ARID4B: variants seen among roughly 807,000 people sequenced by gnomAD.
ARID4B encodes AT-rich interactive domain-containing protein 4B.
ARID4B carries 26 observed loss-of-function variants against 147.5 expected under a neutral mutation model. That is an observed-to-expected ratio of 0.18 (90% CI 0.13 to 0.24). The LOEUF (loss-of-function observed/expected upper bound fraction) is 0.24, where lower values mean the gene tolerates loss of function less well. Ranked by LOEUF, ARID4B falls within the 10% of genes least tolerant of loss-of-function variation. The probability of loss-of-function intolerance (pLI) is 1.00; values close to 1 mark genes in which losing one functional copy is unlikely to be tolerated. For missense variants in ARID4B, 1,179 were observed against 1,511.5 expected, an observed-to-expected ratio of 0.78 and a Z score of 3.65; for synonymous variants, 512 against 507.9, an observed-to-expected ratio of 1.01 and a Z score of -0.11.
At chr1:235,232,033 T>A (rs1413043359) in intron 9 of ARID4B, among the ~76,000 whole-genome samples, 3 of 152,006 alleles carry the variant, frequency 2.0e-5, no homozygotes, top group African/African-American at 7.3e-5. Context: ...GGCAGGGAGC[T>A]GACTGGAAAA....
intron 3 of ARID4B, among the ~76,000 whole-genome samples, chr1:235,258,381 C>T (rs535987664): frequency 6.6e-6 from 1 of 152,142 alleles, no homozygotes; most frequent in South Asian, 2.1e-4. Context: ...GTACCTGGTC[C>T]AAGTTTACAG....
chr1:235,310,345 TTTA>T (rs1295182452), intron 2 of ARID4B, among the ~76,000 whole-genome samples: 1 of 152,192 alleles, frequency 6.6e-6, no homozygotes. Context: ...TGGCAACAAC[TTTA>T]TTATTTATTT....
At chr1:235,303,715 C>T (rs79475770) in intron 2 of ARID4B, among the ~76,000 whole-genome samples, 5 of 151,916 alleles carry the variant, frequency 3.3e-5, no homozygotes, top group Non-Finnish European at 5.9e-5. Context: ...CAGAACACAG[C>T]GAGACCCTGT....
intron 5 of ARID4B, among the ~76,000 whole-genome samples, chr1:235,254,837 A>AT (rs1669852018): frequency 2.0e-5 from 3 of 152,038 alleles, no homozygotes; most frequent in African/African-American, 7.2e-5. Context: ...AAGATGTTCA[A>AT]TCTCACTAGT....
chr1:235,231,226 A>AAAAAC, intron 9 of ARID4B, 37 bp from the exon 10 acceptor site: 1 of 1,037,208 alleles, frequency 9.6e-7, no homozygotes, highest in South Asian at 1.6e-5. Context: ...AAGAAAAAAA[A>AAAAAC]CCCAAAATAT....
chr1:235,181,495 C>T, intron 20 of ARID4B, 90 bp downstream of exon 20: 1 of 1,466,304 alleles, frequency 6.8e-7, no homozygotes, highest in Non-Finnish European at 9.1e-7. Flanking sequence ...ACTTAATCGC[C>T]TCAGGTTATA....
intron 7 of ARID4B, among the ~76,000 whole-genome samples, chr1:235,242,537 C>A (rs1252521405): frequency 6.6e-6 from 1 of 152,308 alleles, no homozygotes; most frequent in Admixed American, 6.5e-5. Flanking sequence ...ACAGAAGACT[C>A]ATTCAGCTAG....
chr1:235,223,015 G>A lies in ARID4B; in HGVS notation c.1065+151C>T, dbSNP rs910770129. The A allele has an allele frequency of 5.4e-6, 3 of 554,406 alleles. No homozygotes were observed. In the African/African-American group the frequency reaches 6.2e-5, roughly 11 times the overall value. The allele number at this position is 554,406 out of a possible 1,614,324, so 34.3% of individuals were successfully genotyped here. ...TCTTTAAAATTTAAATTTTGTCTGAGGAGGCTAGCTGTACTTTCCACTTTA... is the reference window on the plus strand; with the variant it reads ...TCTTTAAAATTTAAATTTTGTCTGAAGAGGCTAGCTGTACTTTCCACTTTA... On this transcript the variant is annotated intron_variant, in intron 13 of 23. Coordinates refer to ENST00000264183, the MANE Select transcript of ARID4B (RefSeq NM_016374.6).
chr1:235,255,219 C>CCATA (rs1669875943), intron 5 of ARID4B, among the ~76,000 whole-genome samples: 1 of 127,568 alleles, frequency 7.8e-6, no homozygotes, highest in African/African-American at 3.1e-5. Flanking sequence ...CTGCTGGGAG[C>CCATA]TAGATAGATA....
At chr1:235,216,326 C>A (rs1325250490) in intron 16 of ARID4B, among the ~76,000 whole-genome samples, 2 of 148,524 alleles carry the variant, frequency 1.3e-5, no homozygotes, top group Non-Finnish European at 3.0e-5. Flanking sequence ...CACACACACA[C>A]ACACACATAT....
At chr1:235,236,637 C>G (rs546801880) in intron 8 of ARID4B, among the ~76,000 whole-genome samples, 1 of 150,214 alleles carries the variant, frequency 6.7e-6, no homozygotes, top group Non-Finnish European at 1.5e-5. Context: ...CCTCAGCCTC[C>G]CAAGTAGCTG....
chr1:235,274,219 CA>C (rs997137007), intron 2 of ARID4B, among the ~76,000 whole-genome samples: 151 of 142,182 alleles, frequency 1.1e-3, no homozygotes, highest in Non-Finnish European at 9.1e-4. Flanking sequence ...TACTAAAATA[CA>C]AAAAAAAAAA....
intron 2 of ARID4B, among the ~76,000 whole-genome samples, chr1:235,268,399 A>G (rs1670756187): frequency 6.6e-6 from 1 of 152,110 alleles, no homozygotes; most frequent in Non-Finnish European, 1.5e-5. Flanking sequence ...AGAAAAATAA[A>G]CAAGTACTTC....
At chr1:235,206,589 G>A (rs1051073539) in intron 17 of ARID4B, among the ~76,000 whole-genome samples, 2 of 152,124 alleles carry the variant, frequency 1.3e-5, no homozygotes, top group Non-Finnish European at 2.9e-5. Context: ...TTTGAGAAAG[G>A]AAGAAAAGGA....
chr1:235,285,654 G>A (rs763169796), intron 2 of ARID4B, among the ~76,000 whole-genome samples: 6 of 152,188 alleles, frequency 3.9e-5, no homozygotes, highest in Admixed American at 1.3e-4. Context: ...AAGAATAGTA[G>A]CTGCCTTTAC....
chr1:235,181,492 C>T (rs1664304561), intron 20 of ARID4B, 93 bp downstream of exon 20: 14 of 1,434,386 alleles, frequency 9.8e-6, no homozygotes, highest in South Asian at 8.2e-5. Context: ...GACACTTAAT[C>T]GCCTCAGGTT....
chr1:235,206,114 T>C (rs1172499495), intron 17 of ARID4B, among the ~76,000 whole-genome samples: 1 of 152,186 alleles, frequency 6.6e-6, no homozygotes, highest in Non-Finnish European at 1.5e-5. Context: ...CATTTTGTTG[T>C]CAGGAGGTCC....
At chr1:235,257,865 T>G (rs370425948) in intron 3 of ARID4B, among the ~76,000 whole-genome samples, 1 of 152,162 alleles carries the variant, frequency 6.6e-6, no homozygotes, top group Non-Finnish European at 1.5e-5. Context: ...AAGAAAGATA[T>G]GGGGATTTTA....
At position 235,255,267 on chromosome 1, in the gene ARID4B, A is replaced by AGATCTATCTATCTATC. The variant is rs1553304359; in HGVS notation, c.274+392_274+393insGATAGATAGATAGATC. 5.1e-3 allele frequency among the ~76,000 whole-genome samples: 701 copies of AGATCTATCTATCTATC among 137,212 alleles called. 5 individuals are homozygous for AGATCTATCTATCTATC. Among genetic ancestry groups the AGATCTATCTATCTATC allele is most frequent in the Non-Finnish European group, 6.7e-3 (420 of 63,090 alleles). 90.0% of individuals were successfully genotyped at this position (137,212 alleles called of 152,430 possible). The stretch of plus-strand genomic sequence containing the variant: ...GATAGATAGATAGATAGATAGATAT[A>AGATCTATCTATCTATC]TATCTCTCTCTCTCTCTCTCTATAT... On this transcript the variant is annotated intron_variant, in intron 5 of 23. Coordinates refer to ENST00000264183, the MANE Select transcript of ARID4B (RefSeq NM_016374.6).
Sources: gnomAD v4.1 joint callset for allele counts (sites outside exome capture counted in the v4.1 genomes callset) on GRCh38, gnomAD v4.1.1 for gene constraint, MANE v1.5 for transcripts, NCBI Gene and HGNC (gene_info 2026-07-23, HGNC 2026-07-21) for gene names.